Variants in RNF4 observed in about 807,000 individuals in gnomAD.
RNF4 encodes ring finger protein 4, also known as E3 ubiquitin-protein ligase RNF4.
In RNF4, 7 loss-of-function variants were observed where a neutral mutation model predicts 24.3. The ratio of observed to expected loss-of-function variants is 0.29; its 90% CI spans 0.16 to 0.54. The LOEUF (loss-of-function observed/expected upper bound fraction) is 0.54, where lower values mean the gene tolerates loss of function less well. Ranked by LOEUF, RNF4 falls within the 20% of genes least tolerant of loss-of-function variation. The pLI is 0.95. For synonymous variants in RNF4, 83 were observed against 84.3 expected (o/e 0.98, Z 0.09); for missense variants, 209 against 248.5 (o/e 0.84, Z 1.07).
chr4:2,498,414 C>T (rs1735802393), intron 3 of RNF4, among the ~76,000 whole-genome samples: 1 of 151,924 alleles, frequency 6.6e-6, no homozygotes, highest in Non-Finnish European at 1.5e-5. Flanking sequence ...TCTCGAACTC[C>T]TGACCTCAGA....
chr4:2,469,725 G>A (rs1320415397), intron 1 of RNF4: 1 of 152,290 alleles, frequency 6.6e-6, no homozygotes, highest in Non-Finnish European at 1.5e-5. Context: ...CGCGTGGCGG[G>A]GCCTTTTGTA....
At chr4:2,498,063 T>G (rs1007896606) in intron 3 of RNF4, among the ~76,000 whole-genome samples, 1 of 152,220 alleles carries the variant, frequency 6.6e-6, no homozygotes, top group African/African-American at 2.4e-5. Flanking sequence ...AAGCCTTGAC[T>G]TGAGGCTAGG....
At chr4:2,509,947 C>T (rs1005319013) in intron 4 of RNF4, among the ~76,000 whole-genome samples, 4 of 152,178 alleles carry the variant, frequency 2.6e-5, no homozygotes, top group African/African-American at 9.7e-5. Context: ...TCCCCAAGGG[C>T]CAGCACTGTT....
chr4:2,495,773 C>T (rs1373147188), intron 2 of RNF4, among the ~76,000 whole-genome samples: 4 of 152,180 alleles, frequency 2.6e-5, no homozygotes, highest in African/African-American at 7.2e-5. Flanking sequence ...GCTGGGATTA[C>T]AGGCATGTGC....
In RNF4 at chr4:2,512,277, G is replaced by A. The variant is rs1736290145; in HGVS notation, c.215-161G>A. 1 of 867,240 alleles carries A rather than the reference G, an allele frequency of 1.2e-6. No individual in the cohort carries two copies. The highest frequency in any genetic ancestry group is 1.7e-5 in the African/African-American group (1 of 59,460). The allele number at this position is 867,240 out of a possible 1,614,324, so 53.7% of individuals were successfully genotyped here. A position where few individuals can be genotyped will look rare whatever the true frequency, so the allele number is the denominator to read the frequency against. On this transcript the variant is annotated intron_variant, in intron 5 of 7. Coordinates refer to ENST00000314289, the MANE Select transcript of RNF4 (RefSeq NM_002938.5). This position sits in a 1 kb window ranked among gnomAD's most constrained non-coding sequence, Gnocchi z 4.1. Reference sequence around the variant, plus strand: ...GGAAGATAAGATAGTGGCCTCCAGAGCTGGGCAGAACCTTCTGGGTTATAG... The same window carrying A: ...GGAAGATAAGATAGTGGCCTCCAGAACTGGGCAGAACCTTCTGGGTTATAG...
intron 4 of RNF4, among the ~76,000 whole-genome samples, chr4:2,502,866 A>G (rs1735957658): frequency 1.3e-5 from 2 of 151,434 alleles, no homozygotes; most frequent in South Asian, 2.1e-4. Flanking sequence ...AAAGAAAAGA[A>G]AAGAAACAGG....
chr4:2,504,572 A>G (rs1736012695), intron 4 of RNF4, among the ~76,000 whole-genome samples: 1 of 134,116 alleles, frequency 7.5e-6, no homozygotes. Flanking sequence ...TTATTTTGAG[A>G]CAGAGTCTTG....
intron 4 of RNF4, among the ~76,000 whole-genome samples, chr4:2,507,044 AGTAAG>A (rs1736122822): frequency 1.3e-5 from 2 of 152,232 alleles, no homozygotes; most frequent in Non-Finnish European, 2.9e-5. Context: ...ATTGTCTCTT[AGTAAG>A]GTTGATTTTT....
intron 1 of RNF4, chr4:2,489,777 T>G (rs1560405330): frequency 6.6e-6 from 1 of 152,250 alleles, no homozygotes; most frequent in Non-Finnish European, 1.5e-5. Flanking sequence ...CCTCGCAGCC[T>G]CTGCATCTGG....
chr4:2,501,155 G>A (rs1387749654), intron 4 of RNF4, among the ~76,000 whole-genome samples: 1 of 152,206 alleles, frequency 6.6e-6, no homozygotes, highest in Admixed American at 6.5e-5. Flanking sequence ...CACTTTCCAT[G>A]AAATGGGGAC....
chr4:2,495,831 G>A (rs187224089), intron 2 of RNF4, among the ~76,000 whole-genome samples: 5 of 152,204 alleles, frequency 3.3e-5, no homozygotes, highest in South Asian at 2.1e-4. Flanking sequence ...GGGTTTCACC[G>A]TGTTGCCCAG....
In RNF4 at chr4:2,490,320, A is replaced by G. The variant is rs945322502; in HGVS notation, c.-157-17A>G. ...GTAAGTGGCAGTATTTATCAAATTA[A>G]TATCTTTGTTTTTCAGGACTTGAAA... On this transcript the variant is annotated splice_polypyrimidine_tract_variant and intron_variant, in intron 1 of 7. Coordinates refer to ENST00000314289, the MANE Select transcript of RNF4 (RefSeq NM_002938.5). 3 of 608,582 alleles carry G rather than the reference A, an allele frequency of 4.9e-6. No homozygotes were observed. The highest frequency in any genetic ancestry group is 2.9e-5 in the Admixed American group (1 of 34,148). 37.7% of individuals were successfully genotyped at this position (608,582 alleles called of 1,614,324 possible). A position where few individuals can be genotyped will look rare whatever the true frequency, so the allele number is the denominator to read the frequency against.
intron 1 of RNF4, among the ~76,000 whole-genome samples, chr4:2,473,672 G>A (rs866899523): frequency 3.9e-5 from 6 of 152,002 alleles, no homozygotes; most frequent in African/African-American, 1.2e-4. Flanking sequence ...TTAGCAGGGC[G>A]TGGTGGCGCA....
chr4:2,479,607 C>A (rs1163137582), intron 1 of RNF4, among the ~76,000 whole-genome samples: 1 of 152,164 alleles, frequency 6.6e-6, no homozygotes, highest in Admixed American at 6.5e-5. Context: ...ACTTACTCCT[C>A]CTTGCCTTCC....
In RNF4 at chr4:2,491,077, T is replaced by TA. The variant is rs147244454; in HGVS notation, c.9+578dup. ...GGCAGGATGACTGAGTGAGACTCTA[T>TA]AAAGTATTTGCAACCCAGTTTTCTG... On this transcript the variant is annotated intron_variant, in intron 2 of 7. Transcript: ENST00000314289. Among the ~76,000 whole-genome samples the TA allele has an allele frequency of 8.6e-3, 1,314 of 152,316 alleles. 19 individuals are homozygous for TA. Among genetic ancestry groups the TA allele is most frequent in the African/African-American group, 0.029 (1,208 of 41,570 alleles).
intron 2 of RNF4, chr4:2,494,533 A>G (rs1223409464): frequency 6.6e-6 from 1 of 151,938 alleles, no homozygotes; most frequent in Non-Finnish European, 1.5e-5. Flanking sequence ...GCCCGCCACC[A>G]CGCCTGGCTA....
chr4:2,509,440 A>G (rs1391653412), intron 4 of RNF4, among the ~76,000 whole-genome samples: 2 of 151,744 alleles, frequency 1.3e-5, no homozygotes, highest in African/African-American at 4.8e-5. Flanking sequence ...CTGGTCTCGA[A>G]CTCCTGACCT....
In RNF4 at chr4:2,511,979, T is replaced by C. The variant is rs1404651717; in HGVS notation, c.214+14T>C. On this transcript the variant is annotated intron_variant, in intron 5 of 7. Transcript: ENST00000314289. Reference sequence around the variant, plus strand: ...AGATTGTTGACGGTGAGTGGTTTCGTTTCCTTTTTCACTGGGTTTGGAGAG... The same window carrying C: ...AGATTGTTGACGGTGAGTGGTTTCGCTTCCTTTTTCACTGGGTTTGGAGAG... 1 of 1,606,098 alleles carries C rather than the reference T, an allele frequency of 6.2e-7. No homozygotes were observed. The highest frequency in any genetic ancestry group is 8.5e-7 in the Non-Finnish European group (1 of 1,176,408).
chr4:2,512,529 G>C lies in RNF4; in HGVS notation c.306G>C (p.Arg102Ser). ...GCAGTGACGATGAGGAGTTGTCCAG[G>C]GACAGAGACGTATATGTGACTACCC... ...VVSSDDEELSRDRDVYVTTHT... is the reference protein window; with the variant it reads ...VVSSDDEELSSDRDVYVTTHT... Residue 102 changes from arginine to serine, a missense_variant, in exon 6 of 8, where the codon AGG becomes AGC. By Grantham distance (110) the Arg-to-Ser change is moderately radical. Around this residue, in one of 3 missense-constraint regions of RNF4, gnomAD observed 182 missense variants for 197.2 expected, o/e 0.92. Coordinates refer to ENST00000314289, the MANE Select transcript of RNF4 (RefSeq NM_002938.5). The surrounding 1 kb of genome is among the most constrained non-coding windows in gnomAD (Gnocchi z 4.1). 6.2e-7 allele frequency: 1 copy of C among 1,613,890 alleles called. No homozygotes were observed. Among genetic ancestry groups the C allele is most frequent in the Non-Finnish European group, 8.5e-7 (1 of 1,179,826 alleles).
Sources: allele counts gnomAD v4.1 joint callset (sites outside exome capture counted in the v4.1 genomes callset), GRCh38; gene constraint gnomAD v4.1.1; regional missense constraint gnomAD v4.1.1; non-coding constraint Gnocchi (gnomAD v3.1); transcripts MANE v1.5; gene names NCBI Gene and HGNC (gene_info 2026-07-23, HGNC 2026-07-21).